Variants in TRPM3 observed in about 807,000 individuals in gnomAD.
TRPM3 encodes transient receptor potential cation channel subfamily M member 3.
In TRPM3, 77 loss-of-function variants were observed where a neutral mutation model predicts 181.2. The observed-to-expected ratio is 0.42, with a 90% CI of 0.35 to 0.51. The LOEUF (loss-of-function observed/expected upper bound fraction) is 0.51, where lower values mean the gene tolerates loss of function less well. Ranked by LOEUF, TRPM3 falls within the 20% of genes least tolerant of loss-of-function variation. The pLI, the probability that TRPM3 is intolerant of heterozygous loss-of-function variation, is 0.01. For missense variants in TRPM3, 1,759 were observed against 2,196.7 expected, an observed-to-expected ratio of 0.80 and a Z score of 3.98; for synonymous variants, 745 against 796.4, an observed-to-expected ratio of 0.94 and a Z score of 1.09.
intron 1 of TRPM3, among the ~76,000 whole-genome samples, chr9:70,945,684 G>T (rs1000361973): frequency 6.6e-6 from 1 of 152,132 alleles, no homozygotes; most frequent in African/African-American, 2.4e-5. Context: ...CTGAAAACCT[G>T]AGTATTGTAG....
chr9:71,094,585 G>A (rs909960924), intron 1 of TRPM3, among the ~76,000 whole-genome samples: 3 of 152,108 alleles, frequency 2.0e-5, no homozygotes, highest in East Asian at 1.9e-4. Flanking sequence ...GCACAGATTA[G>A]GTTCAAACCT....
At chr9:71,346,592 T>G (rs2091307956) in intron 1 of TRPM3, among the ~76,000 whole-genome samples, 1 of 152,140 alleles carries the variant, frequency 6.6e-6, no homozygotes, top group Non-Finnish European at 1.5e-5. Context: ...TGGAAAGAGG[T>G]GCCTTTGGGA....
intron 1 of TRPM3, among the ~76,000 whole-genome samples, chr9:70,908,655 A>T (rs777118522): frequency 3.3e-5 from 5 of 152,242 alleles, no homozygotes; most frequent in Non-Finnish European, 5.9e-5. Flanking sequence ...CTTAAATCCC[A>T]GGGAGAGATT....
At chr9:71,158,299 T>C (rs1372800954) in intron 1 of TRPM3, among the ~76,000 whole-genome samples, 1 of 152,122 alleles carries the variant, frequency 6.6e-6, no homozygotes, top group African/African-American at 2.4e-5. Context: ...TGAAAATAAC[T>C]TGACCAAAGC....
intron 1 of TRPM3, among the ~76,000 whole-genome samples, chr9:70,938,779 C>T (rs778915250): frequency 5.3e-5 from 8 of 151,774 alleles, no homozygotes; most frequent in African/African-American, 1.5e-4. Context: ...AGCGAAACCC[C>T]GTCTCCACTA....
At chr9:71,222,707 C>A (rs188002104) in intron 1 of TRPM3, among the ~76,000 whole-genome samples, 2 of 152,332 alleles carry the variant, frequency 1.3e-5, no homozygotes, top group East Asian at 3.9e-4. Flanking sequence ...ACTCCCCCAT[C>A]CCCCAGCAGC....
intron 1 of TRPM3, among the ~76,000 whole-genome samples, chr9:70,978,567 T>C (rs570777660): frequency 1.0e-3 from 153 of 152,312 alleles, no homozygotes; most frequent in African/African-American, 3.5e-3. Flanking sequence ...ATATCATCCA[T>C]TGAAGTTATT....
At chr9:71,003,151 A>G (rs1425539453) in intron 1 of TRPM3, among the ~76,000 whole-genome samples, 1 of 150,948 alleles carries the variant, frequency 6.6e-6, no homozygotes, top group Non-Finnish European at 1.5e-5. Flanking sequence ...TTGCTCCAAG[A>G]CTAGATTCAG....
chr9:71,124,278 T>A (rs1387890473), upstream of TRPM3, among the ~76,000 whole-genome samples: 1 of 149,774 alleles, frequency 6.7e-6, no homozygotes, highest in Non-Finnish European at 1.5e-5. Context: ...GAAGATGCCT[T>A]CCCCAGTTTT....
At chr9:70,811,442 G>GA (rs144147486) in intron 6 of TRPM3, among the ~76,000 whole-genome samples, 1,525 of 152,230 alleles carry the variant, frequency 0.01, 31 homozygotes, top group African/African-American at 0.035. Flanking sequence ...AACTGGACAG[G>GA]TCCTTAAAAA....
intron 1 of TRPM3, among the ~76,000 whole-genome samples, chr9:71,392,855 C>G (rs1297587282): frequency 6.6e-6 from 1 of 152,058 alleles, no homozygotes; most frequent in East Asian, 1.9e-4. Flanking sequence ...GCTCTTTCCC[C>G]TTTAGGAAAT....
chr9:70,905,006 T>G (rs750000080), intron 1 of TRPM3, among the ~76,000 whole-genome samples: 17 of 152,334 alleles, frequency 1.1e-4, no homozygotes, highest in Non-Finnish European at 2.5e-4. Flanking sequence ...TCAACTGTTT[T>G]GGCAACTTTC....
At chr9:70,967,048 AAAG>A (rs1171109422) in intron 1 of TRPM3, among the ~76,000 whole-genome samples, 1 of 84,188 alleles carries the variant, frequency 1.2e-5, no homozygotes, top group East Asian at 2.9e-4. Flanking sequence ...CAATAACAGA[AAAG>A]AAGCAGTTTT....
Position 71,191,050 on chromosome 9 carries a change from T to A in TRPM3, c.183+255603A>T, listed in dbSNP as rs138201819. Among the ~76,000 whole-genome samples, 9 of 151,962 alleles carry A rather than the reference T, an allele frequency of 5.9e-5. No individual in the cohort carries two copies. The East Asian group carries it at 1.7e-3, about 29-fold the overall frequency. ...ATATTTTCCCATGTATTCCTTACCA[T>A]AGGCCCCTACGAGGGAGCCATTGTC... On this transcript the variant is annotated intron_variant, in intron 1 of 24. Coordinates refer to the TRPM3 transcript ENST00000357533.
intron 8 of TRPM3, among the ~76,000 whole-genome samples, chr9:70,742,236 A>G (rs1206720866): frequency 1.3e-5 from 2 of 152,144 alleles, no homozygotes; most frequent in Non-Finnish European, 2.9e-5. Flanking sequence ...AAAATGCACC[A>G]AAGTTATAAT....
intron 19 of TRPM3, among the ~76,000 whole-genome samples, chr9:70,605,444 C>T (rs2060877134): frequency 6.6e-6 from 1 of 151,638 alleles, no homozygotes; most frequent in African/African-American, 2.4e-5. Context: ...TGCTGGCACA[C>T]CCCCACCCCC....
intron 1 of TRPM3, among the ~76,000 whole-genome samples, chr9:71,408,345 A>G (rs962507935): frequency 6.6e-6 from 1 of 152,164 alleles, no homozygotes; most frequent in African/African-American, 2.4e-5. Flanking sequence ...CAAGAAAGCT[A>G]AAAACCTTGA....
chr9:71,384,545 A>C (rs1367706174), intron 1 of TRPM3, among the ~76,000 whole-genome samples: 1 of 152,170 alleles, frequency 6.6e-6, no homozygotes, highest in Non-Finnish European at 1.5e-5. Flanking sequence ...TAACCTATAC[A>C]TCTTTCTAGC....
chr9:70,948,466 C>T (rs537788155), intron 1 of TRPM3, among the ~76,000 whole-genome samples: 2 of 152,048 alleles, frequency 1.3e-5, no homozygotes, highest in Non-Finnish European at 2.9e-5. Flanking sequence ...AAACAAAGAG[C>T]CCTTTGACGA....
Sources: allele counts gnomAD v4.1 joint callset (sites outside exome capture counted in the v4.1 genomes callset), GRCh38; gene constraint gnomAD v4.1.1; transcripts MANE v1.5; gene names NCBI Gene and HGNC (gene_info 2026-07-23, HGNC 2026-07-21).